MED16: variants seen among roughly 807,000 people sequenced by gnomAD.
MED16 encodes mediator of RNA polymerase II transcription subunit 16.
Under a neutral mutation model 84.4 loss-of-function variants are expected in MED16, and 81 were observed. That is an observed-to-expected ratio of 0.96 (90% CI 0.80 to 1.15). The LOEUF is 1.15. Among genes scored for constraint, MED16 ranks in the 50% most tolerant of loss-of-function variants. The pLI, the probability that MED16 is intolerant of heterozygous loss-of-function variation, is 0.00. For synonymous variants in MED16, 897 were observed against 552.2 expected (o/e 1.62, Z -8.76); for missense variants, 1,585 against 1,245.9 (o/e 1.27, Z -4.10).
At chr19:884,201 G>A (rs749847162) in intron 6 of MED16, among the ~76,000 whole-genome samples, 1 of 152,188 alleles carries the variant, frequency 6.6e-6, no homozygotes, top group African/African-American at 2.4e-5. Context: ...TCTCCAGAGC[G>A]GAGGCCAGCC....
Position 890,262 on chromosome 19 carries a change from G to C in MED16, c.170-18C>G. 6.7e-7 allele frequency: 1 copy of C among 1,493,724 alleles called. No homozygotes were observed. The highest frequency in any genetic ancestry group is 9.0e-7 in the Non-Finnish European group (1 of 1,109,044). The allele number at this position is 1,493,724 out of a possible 1,614,324, so 92.5% of individuals were successfully genotyped here. A position where few individuals can be genotyped will look rare whatever the true frequency, so the allele number is the denominator to read the frequency against. On this transcript the variant is annotated intron_variant, in intron 2 of 15. Transcript: ENST00000325464. ...GGTCAGGTCTGTGGGGACGGGGCAT[G>C]GTCAGCACGGCCTGGCACCACAGCC...
chr19:870,552 C>A (rs1006683982), intron 13 of MED16, among the ~76,000 whole-genome samples: 1 of 143,672 alleles, frequency 7.0e-6, no homozygotes, highest in Non-Finnish European at 1.5e-5. Flanking sequence ...CAGAGTGAGA[C>A]CCTGTCGGGG....
At chr19:884,106 G>A (rs1361889954) in intron 6 of MED16, among the ~76,000 whole-genome samples, 1 of 152,094 alleles carries the variant, frequency 6.6e-6, no homozygotes, top group African/African-American at 2.4e-5. Flanking sequence ...CCTGCCCCAC[G>A]TGCCCCCACG....
chr19:872,754 C>A (rs1340679485), intron 11 of MED16, among the ~76,000 whole-genome samples: 2 of 151,644 alleles, frequency 1.3e-5, no homozygotes, highest in Non-Finnish European at 2.9e-5. Context: ...CCGCCCACCC[C>A]AGGCGCAGGG....
chr19:868,426 T>G lies in MED16; in HGVS notation c.2473A>C (p.Lys825Gln). 1 of 1,610,600 alleles carries G rather than the reference T, an allele frequency of 6.2e-7. No homozygotes were observed. Among genetic ancestry groups the G allele is most frequent in the East Asian group, 2.2e-5 (1 of 44,872 alleles). ...AVKQWEQRWI[K>Q]NCLAVEGRGP... ...CAGAGCCCACCGCACAGGCAGTTCT[T>G]GATCCAGCGCTGCTCCCACTGCTTC... The change falls in exon 15 of 16, where the codon AAG (lysine) becomes CAG (glutamine). Residue 825 changes from lysine (K) to glutamine (Q), a missense_variant. Transcript: ENST00000325464.
At position 871,039 on chromosome 19, in the gene MED16, G is replaced by A. The variant is rs958765686; in HGVS notation, c.2313C>T (p.Ala771=). The A allele has an allele frequency of 3.2e-6, 5 of 1,542,074 alleles. No individual in the cohort carries two copies. In the African/African-American group the frequency reaches 5.5e-5, roughly 17 times the overall value. The change falls in exon 13 of 16, where the codon GCC becomes GCT. Residue 771 remains alanine, a splice_region_variant and synonymous_variant. Coordinates refer to ENST00000325464, the MANE Select transcript of MED16 (RefSeq NM_005481.3). ...GACCAATGCAGGGACACACGCACCT[G>A]GCGAGGCCGTCGAGCTGCAGGGTGG... The part of the protein sequence containing the change: ...SAATLQLDGL[A]RAPGQPKIDH...
intron 5 of MED16, among the ~76,000 whole-genome samples, chr19:885,234 G>A (rs1286721850): frequency 6.6e-6 from 1 of 152,190 alleles, no homozygotes; most frequent in East Asian, 1.9e-4. Flanking sequence ...CACAGGGACA[G>A]CAAAGGGACA....
chr19:873,677 C>G lies in MED16; in HGVS notation c.1772-95G>C, dbSNP rs2036157264. ...GGTCCTTCGACCTGCACTGAGTGCC[C>G]ACCCAGTACCAGGACACAAGGGGAC... On this transcript the variant is annotated intron_variant, in intron 10 of 15. Transcript: ENST00000325464. The G allele has an allele frequency of 2.1e-6, 3 of 1,417,822 alleles. No homozygotes were observed. The African/African-American group carries it at 4.2e-5, about 20-fold the overall frequency. 87.8% of individuals were successfully genotyped at this position (1,417,822 alleles called of 1,614,324 possible). A position where few individuals can be genotyped will look rare whatever the true frequency, so the allele number is the denominator to read the frequency against.
chr19:889,326 T>C (rs2036586539), intron 4 of MED16, among the ~76,000 whole-genome samples: 1 of 152,054 alleles, frequency 6.6e-6, no homozygotes, highest in Non-Finnish European at 1.5e-5. Flanking sequence ...TGCAGCTACC[T>C]AAGGACAGTA....
Position 880,230 on chromosome 19 carries a change from G to C in MED16, c.1142-82C>G, listed in dbSNP as rs908402345. The stretch of plus-strand genomic sequence containing the variant: ...GGAGGGGCCTCCTGCTCTGCAGGGT[G>C]TGGAGAGCCGGGGCTGCCCATCCAG... On this transcript the variant is annotated intron_variant, in intron 7 of 15. Coordinates refer to ENST00000325464, the MANE Select transcript of MED16 (RefSeq NM_005481.3). The C allele has an allele frequency of 4.5e-5, 60 of 1,340,648 alleles. No individual in the cohort carries two copies. In the Middle Eastern group the frequency reaches 1.0e-3, roughly 23 times the overall value. 83.0% of individuals were successfully genotyped at this position (1,340,648 alleles called of 1,614,324 possible). A position where few individuals can be genotyped will look rare whatever the true frequency, so the allele number is the denominator to read the frequency against.
intron 6 of MED16, among the ~76,000 whole-genome samples, chr19:884,697 G>C (rs934809762): frequency 6.6e-6 from 1 of 152,192 alleles, no homozygotes; most frequent in Non-Finnish European, 1.5e-5. Context: ...AAGGATGGAG[G>C]AGTCTATACG....
At chr19:879,315 A>G (rs1401431065) in intron 8 of MED16, among the ~76,000 whole-genome samples, 80 of 27,204 alleles carry the variant, frequency 2.9e-3, no homozygotes, top group South Asian at 6.8e-3. Flanking sequence ...ATGCCCACCA[A>G]GCCCAGCCCC....
rs571501870 is a variant in MED16 at position 891,273 on chromosome 19, C to T, written c.-18-124G>A. 1,449 of 955,844 alleles carry T rather than the reference C, an allele frequency of 1.5e-3. 39 individuals are homozygous for T. In the South Asian group the frequency reaches 0.022, roughly 15 times the overall value. The allele number at this position is 955,844 out of a possible 1,614,324, so 59.2% of individuals were successfully genotyped here. ...AGAGGGAACAGCCGATGCAAAGGCCCGGAGGCCAGACAGAGCCTGGGGCTG... is the reference window on the plus strand; with the variant it reads ...AGAGGGAACAGCCGATGCAAAGGCCTGGAGGCCAGACAGAGCCTGGGGCTG... On this transcript the variant is annotated intron_variant, in intron 1 of 15. Transcript: ENST00000325464.
intron 2 of MED16, among the ~76,000 whole-genome samples, chr19:890,742 G>A (rs553602064): frequency 2.6e-5 from 4 of 152,306 alleles, no homozygotes; most frequent in East Asian, 1.9e-4. Context: ...TCCCGCACAC[G>A]GGGCGATCTC....
chr19:871,967 A>G lies in MED16; in HGVS notation c.2057T>C (p.Met686Thr), dbSNP rs1240446251. Residue 686 changes from methionine (M) to threonine (T), a missense_variant, in exon 12 of 16, where the codon ATG becomes ACG. Coordinates refer to ENST00000325464, the MANE Select transcript of MED16 (RefSeq NM_005481.3). Reference sequence around the variant, plus strand: ...GGTGAGCAGGCGGAAGAGCAGGGACATGCTGTCCTGGGTATCCGAGGTGGC... The same window carrying G: ...GGTGAGCAGGCGGAAGAGCAGGGACGTGCTGTCCTGGGTATCCGAGGTGGC... ...YTATSDTQDSMSLLFRLLTKL... is the reference protein window; with the variant it reads ...YTATSDTQDSTSLLFRLLTKL... The G allele has an allele frequency of 1.3e-6, 2 of 1,597,190 alleles. No individual in the cohort carries two copies. The highest frequency in any genetic ancestry group is 2.2e-5 in the South Asian group (2 of 90,068).
intron 10 of MED16, among the ~76,000 whole-genome samples, chr19:874,686 T>G (rs1171793780): frequency 6.6e-6 from 1 of 152,134 alleles, no homozygotes; most frequent in African/African-American, 2.4e-5. Flanking sequence ...AAGACCAGCC[T>G]GGGCAACACA....
At chr19:870,617 G>C (rs1291903083) in intron 13 of MED16, among the ~76,000 whole-genome samples, 1 of 151,636 alleles carries the variant, frequency 6.6e-6, no homozygotes, top group Non-Finnish European at 1.5e-5. Flanking sequence ...GGGTGCCCGT[G>C]TTGGGGGTGG....
rs150974778 is a variant in MED16 at position 875,386 on chromosome 19, G to T, written c.1629C>A (p.Arg543=). Residue 543 remains arginine (R), a synonymous_variant, in exon 10 of 16, where the codon CGC becomes CGA. Coordinates refer to ENST00000325464, the MANE Select transcript of MED16 (RefSeq NM_005481.3). The part of the protein sequence containing the change: ...LCKLSPCTVT[R]VCDYHTKLFL... The stretch of plus-strand genomic sequence containing the variant: ...AGAGCTTGGTGTGGTAGTCGCACAC[G>T]CGGGTCACCGTGCAGGGCGACAGCT... 6.2e-7 allele frequency: 1 copy of T among 1,609,076 alleles called. No individual in the cohort carries two copies. The highest frequency in any genetic ancestry group is 1.7e-4 in the Middle Eastern group (1 of 5,994).
intron 10 of MED16, among the ~76,000 whole-genome samples, chr19:874,610 G>A (rs1018715160): frequency 8.5e-5 from 13 of 152,174 alleles, no homozygotes; most frequent in African/African-American, 1.2e-4. Flanking sequence ...GCCGGGTGTC[G>A]GCCTGGGAGC....
Sources: allele counts gnomAD v4.1 joint callset (sites outside exome capture counted in the v4.1 genomes callset), GRCh38; gene constraint gnomAD v4.1.1; transcripts MANE v1.5; gene names NCBI Gene and HGNC (gene_info 2026-07-23, HGNC 2026-07-21).